FSD1L: variants seen among roughly 807,000 people sequenced by gnomAD.
FSD1L encodes fibronectin type III and SPRY domain containing 1 like.
In FSD1L, 45 loss-of-function variants were observed where a neutral mutation model predicts 71.6. That is an observed-to-expected ratio of 0.63 (90% CI 0.49 to 0.81). The LOEUF (loss-of-function observed/expected upper bound fraction) is 0.81. Ranked by LOEUF, FSD1L falls within the 30% of genes least tolerant of loss-of-function variation. The probability of loss-of-function intolerance (pLI) is 0.00; values close to 1 mark genes in which losing one functional copy is unlikely to be tolerated. For synonymous variants in FSD1L, 197 were observed against 207.2 expected (o/e 0.95, Z 0.42); for missense variants, 561 against 618.1 (o/e 0.91, Z 0.98).
chr9:105,520,614 T>C, intron 10 of FSD1L: 3 of 1,582,636 alleles, frequency 1.9e-6, no homozygotes, highest in South Asian at 2.2e-5. Flanking sequence ...CACAGGAGAC[T>C]CCTTAAAGAT....
chr9:105,535,158 G>T lies in FSD1L; in HGVS notation c.1218G>T (p.Thr406=), dbSNP rs539181331. 1 of 1,551,982 alleles carries T rather than the reference G, an allele frequency of 6.4e-7. No individual in the cohort carries two copies. The highest frequency in any genetic ancestry group is 2.0e-5 in the Admixed American group (1 of 51,014). ...ACAGTGTGGGAGTAGCATACAAAAC[G>T]TTGGGGAAATTTGACCAATTGGGAA... is the stretch of plus-strand genomic sequence containing the variant. ...KSYSVGVAYK[T]LGKFDQLGKT... The change falls in exon 12 of 14, where the codon ACG becomes ACT. Residue 406 remains threonine, a synonymous_variant. Transcript: ENST00000481272.
chr9:105,520,810 CTA>C, intron 10 of FSD1L: 2 of 1,612,288 alleles, frequency 1.2e-6, no homozygotes, highest in South Asian at 2.2e-5. Flanking sequence ...ACTCAAGTCA[CTA>C]TAGAAGAAAT....
intron 8 of FSD1L, among the ~76,000 whole-genome samples, 160 bp from the exon 9 acceptor site, chr9:105,508,457 G>A (rs952447049): frequency 2.0e-5 from 3 of 152,158 alleles, no homozygotes; most frequent in Non-Finnish European, 2.9e-5. Flanking sequence ...GATTACAGGT[G>A]TGAGCCACTG....
At chr9:105,521,955 A>G (rs1835193410) in intron 10 of FSD1L, 2 of 1,612,888 alleles carry the variant, frequency 1.2e-6, no homozygotes, top group Non-Finnish European at 1.7e-6. Flanking sequence ...TTATCGGTAC[A>G]TGGTTGTACA....
rs1295425295 is a variant in FSD1L at position 105,535,122 on chromosome 9, T to C, written c.1182T>C (p.Asp394=). 3 of 1,551,614 alleles carry C rather than the reference T, an allele frequency of 1.9e-6. No individual in the cohort carries two copies. Among genetic ancestry groups the C allele is most frequent in the Admixed American group, 3.9e-5 (2 of 50,984 alleles). Residue 394 remains aspartate (D), a synonymous_variant, in exon 12 of 14, where the codon GAT becomes GAC. Coordinates refer to ENST00000481272, the MANE Select transcript of FSD1L (RefSeq NM_001145313.3). ...ATTGGGAGGTCAAGGCCCAGAAGGA[T>C]TGTAAATCCTACAGTGTGGGAGTAG... ...QHYWEVKAQK[D]CKSYSVGVAY...
Position 105,520,121 on chromosome 9 carries a change from C to CGGCAGG in FSD1L, c.1025+7186_1025+7191dup, listed in dbSNP as rs1315439902. 7.5e-5 allele frequency: 119 copies of CGGCAGG among 1,593,610 alleles called. No individual in the cohort carries two copies. In the African/African-American group the frequency reaches 1.2e-3, roughly 16 times the overall value. On this transcript the variant is annotated intron_variant, in intron 10 of 13. Transcript: ENST00000481272. ...GTGGCAGTGGCAGTGGCAGTGGCAG[C>CGGCAGG]GGCAGGATGTTCTCCAAGAAGCCGC...
chr9:105,522,441 A>G lies in FSD1L; in HGVS notation c.1025+9505A>G, dbSNP rs184335094. 2.4e-4 allele frequency: 384 copies of G among 1,613,870 alleles called. 1 individual carries two copies. In the African/African-American group the frequency reaches 2.6e-3, roughly 11 times the overall value. ...TCGTGATCAGCCTGGCCAAGCCCCA[A>G]TGAGACAGAGGAGTGCAACAACCAC... On this transcript the variant is annotated intron_variant, in intron 10 of 13. Coordinates refer to ENST00000481272, the MANE Select transcript of FSD1L (RefSeq NM_001145313.3).
chr9:105,520,416 A>C, intron 10 of FSD1L: 2 of 1,095,768 alleles, frequency 1.8e-6, no homozygotes, highest in Non-Finnish European at 2.8e-6. Flanking sequence ...TTTTACATAT[A>C]TACTATGTGT....
intron 9 of FSD1L, among the ~76,000 whole-genome samples, chr9:105,510,104 G>A (rs1383371102): frequency 2.0e-5 from 3 of 152,176 alleles, no homozygotes; most frequent in Admixed American, 2.0e-4. Flanking sequence ...TCACTGGCTT[G>A]TGGTTTTCTT....
chr9:105,524,251 C>G, intron 10 of FSD1L: 1 of 1,612,358 alleles, frequency 6.2e-7, no homozygotes, highest in East Asian at 2.2e-5. Flanking sequence ...AAAACAGTAG[C>G]CCACGTAGCT....
At chr9:105,446,125 A>G (rs1222398417), upstream of FSD1L, among the ~76,000 whole-genome samples, 1 of 151,824 alleles carries the variant, frequency 6.6e-6, no homozygotes, top group Non-Finnish European at 1.5e-5. Flanking sequence ...ATCACAGTAC[A>G]GTCAGGGGGA....
chr9:105,510,957 C>G lies in FSD1L; in HGVS notation c.896-1850C>G, dbSNP rs575800347. 6.3e-3 allele frequency among the ~76,000 whole-genome samples: 942 copies of G among 150,502 alleles called. 3 individuals carry two copies. The highest frequency in any genetic ancestry group is 0.01 in the Non-Finnish European group (692 of 67,664). ...ATCTAGTTATATTATAGGACTTATACAAGAGATAGGACCTCACTTTTGAGG... is the reference window on the plus strand; with the variant it reads ...ATCTAGTTATATTATAGGACTTATAGAAGAGATAGGACCTCACTTTTGAGG... On this transcript the variant is annotated intron_variant, in intron 9 of 13. Coordinates refer to ENST00000481272, the MANE Select transcript of FSD1L (RefSeq NM_001145313.3).
chr9:105,443,641 G>A (rs1829580240), upstream of FSD1L, among the ~76,000 whole-genome samples: 1 of 152,060 alleles, frequency 6.6e-6, no homozygotes, highest in African/African-American at 2.4e-5. Flanking sequence ...AAAAGGGCAG[G>A]AAAAACAAGA....
chr9:105,501,969 T>G (rs1833790946), intron 7 of FSD1L, among the ~76,000 whole-genome samples: 1 of 152,178 alleles, frequency 6.6e-6, no homozygotes, highest in Admixed American at 6.5e-5. Flanking sequence ...GGCCAGATAG[T>G]TTAACTTTCA....
intron 7 of FSD1L, among the ~76,000 whole-genome samples, chr9:105,493,620 A>T (rs1452797604): frequency 1.3e-5 from 2 of 152,054 alleles, no homozygotes; most frequent in African/African-American, 2.4e-5. Context: ...ATTTGGCCTG[A>T]TTTTGCAGTG....
At chr9:105,480,135 A>T (rs1832073920) in intron 6 of FSD1L, among the ~76,000 whole-genome samples, 1 of 152,194 alleles carries the variant, frequency 6.6e-6, no homozygotes, top group Non-Finnish European at 1.5e-5. Flanking sequence ...TCTGAGGGTC[A>T]TGAGATTCTC....
In FSD1L at chr9:105,550,774, T is replaced by C. The variant is rs1399242119; in HGVS notation, c.*4291T>C. 1.3e-5 allele frequency: 2 copies of C among 152,108 alleles called. No homozygotes were observed. Among genetic ancestry groups the C allele is most frequent in the Admixed American group, 6.6e-5 (1 of 15,262 alleles). The allele number at this position is 152,108 out of a possible 1,614,324, so 9.4% of individuals were successfully genotyped here. A position where few individuals can be genotyped will look rare whatever the true frequency, so the allele number is the denominator to read the frequency against. On this transcript the variant is annotated 3_prime_UTR_variant, in exon 14 of 14. Coordinates refer to ENST00000481272, the MANE Select transcript of FSD1L (RefSeq NM_001145313.3). ...GAATTTACCAGAGTACACTTTTCTC[T>C]TCAGATGACTCAATTATTAAATAAA...
chr9:105,492,787 A>G (rs1833048094), intron 7 of FSD1L, among the ~76,000 whole-genome samples: 1 of 152,144 alleles, frequency 6.6e-6, no homozygotes, highest in African/African-American at 2.4e-5. Context: ...CAGGTTGTTC[A>G]GTTTCCATGT....
chr9:105,487,184 T>C (rs980379056), intron 7 of FSD1L, among the ~76,000 whole-genome samples: 1 of 152,150 alleles, frequency 6.6e-6, no homozygotes, highest in African/African-American at 2.4e-5. Context: ...TGTAATTAGT[T>C]CTTGATGAGT....
Sources: allele counts gnomAD v4.1 joint callset (sites outside exome capture counted in the v4.1 genomes callset), GRCh38; gene constraint gnomAD v4.1.1; transcripts MANE v1.5; gene names NCBI Gene and HGNC (gene_info 2026-07-23, HGNC 2026-07-21).